The following CDK8 variants were observed in gnomAD, a reference collection of about 807,000 sequenced individuals.
CDK8 encodes the protein cyclin-dependent kinase 8.
Under a neutral mutation model 71.5 loss-of-function variants are expected in CDK8, and 29 were observed. The observed-to-expected ratio is 0.41, with a 90% CI of 0.30 to 0.55. The LOEUF is 0.55. Among genes scored for constraint, CDK8 ranks in the 20% least tolerant of loss-of-function variants. CDK8 has a pLI of 0.37. For missense variants in CDK8, 288 were observed against 572.6 expected, an observed-to-expected ratio of 0.50 and a Z score of 5.07; for synonymous variants, 161 against 192.1, an observed-to-expected ratio of 0.84 and a Z score of 1.34.
intron 1 of CDK8, among the ~76,000 whole-genome samples, chr13:26,267,092 G>C (rs530631917): frequency 6.6e-6 from 1 of 151,966 alleles, no homozygotes; most frequent in Non-Finnish European, 1.5e-5. Flanking sequence ...GTTGGTAAAC[G>C]TAGCTCTAAA....
At chr13:26,321,386 G>A (rs1340770320) in intron 1 of CDK8, among the ~76,000 whole-genome samples, 4 of 152,158 alleles carry the variant, frequency 2.6e-5, no homozygotes, top group Non-Finnish European at 5.9e-5. Context: ...CTAGGGGCAT[G>A]GGGAAGGGGG....
At position 26,294,748 on chromosome 13, in the gene CDK8, T is replaced by TTTTTG. The variant is rs371760140; in HGVS notation, c.128+39994_128+39998dup. On this transcript the variant is annotated intron_variant, in intron 1 of 12. Coordinates refer to ENST00000381527, the MANE Select transcript of CDK8 (RefSeq NM_001260.3). ...AGGTTCTTTGTTCATGATAGTTTCT[T>TTTTTG]TTTTGTTTTGTTTTGTTTTTTGAGA... 7.9e-3 allele frequency among the ~76,000 whole-genome samples: 1,198 copies of TTTTTG among 152,150 alleles called. 26 individuals carry two copies. The highest frequency in any genetic ancestry group is 0.026 in the African/African-American group (1,078 of 41,496).
chr13:26,344,579 A>G (rs1434190325), intron 2 of CDK8, among the ~76,000 whole-genome samples: 1 of 152,194 alleles, frequency 6.6e-6, no homozygotes, highest in Non-Finnish European at 1.5e-5. Context: ...AGCCTGGCCA[A>G]CATGGCGAAA....
chr13:26,363,596 T>C (rs1186916653), intron 4 of CDK8, among the ~76,000 whole-genome samples: 1 of 152,070 alleles, frequency 6.6e-6, no homozygotes, highest in Non-Finnish European at 1.5e-5. Flanking sequence ...TCTTGGGCTC[T>C]TGGGCTCAAG....
intron 1 of CDK8, among the ~76,000 whole-genome samples, chr13:26,293,354 G>A (rs796726135): frequency 2.0e-5 from 3 of 152,052 alleles, no homozygotes; most frequent in African/African-American, 7.2e-5. Context: ...TGTAATCGGA[G>A]CACTTTGGGC....
intron 1 of CDK8, among the ~76,000 whole-genome samples, chr13:26,257,056 A>G (rs922864773): frequency 6.6e-6 from 1 of 152,176 alleles, no homozygotes; most frequent in Non-Finnish European, 1.5e-5. Context: ...CTGGTAAAAT[A>G]AAATTTGTGG....
At chr13:26,398,137 C>T (rs1378667309) in intron 9 of CDK8, among the ~76,000 whole-genome samples, 1 of 152,156 alleles carries the variant, frequency 6.6e-6, no homozygotes, top group Non-Finnish European at 1.5e-5. Context: ...TATCAGTTCA[C>T]ATTTTATATC....
At chr13:26,314,083 CAG>C (rs1161675003) in intron 1 of CDK8, among the ~76,000 whole-genome samples, 1 of 152,262 alleles carries the variant, frequency 6.6e-6, no homozygotes, top group African/African-American at 2.4e-5. Flanking sequence ...TTTGCTAATC[CAG>C]AGTTTTAAGG....
intron 1 of CDK8, among the ~76,000 whole-genome samples, chr13:26,281,662 AAT>A (rs1872753743): frequency 1.9e-5 from 2 of 104,304 alleles, no homozygotes; most frequent in African/African-American, 1.5e-4. Context: ...TTGCGAAATA[AAT>A]AACTCAGAAG....
intron 1 of CDK8, among the ~76,000 whole-genome samples, chr13:26,280,463 C>T (rs1872699374): frequency 6.6e-6 from 1 of 152,210 alleles, no homozygotes; most frequent in Non-Finnish European, 1.5e-5. Context: ...CTCATAGTGA[C>T]TCAACATTGG....
At chr13:26,256,053 T>G (rs1871509191) in intron 1 of CDK8, among the ~76,000 whole-genome samples, 1 of 152,070 alleles carries the variant, frequency 6.6e-6, no homozygotes, top group South Asian at 2.1e-4. Context: ...AAGATAGGAG[T>G]TCTAATTAAT....
intron 1 of CDK8, among the ~76,000 whole-genome samples, chr13:26,299,023 C>A (rs890773650): frequency 3.3e-5 from 5 of 152,110 alleles, no homozygotes; most frequent in African/African-American, 4.8e-5. Flanking sequence ...TCTCTTTGAA[C>A]CTCTTAAAAG....
chr13:26,291,533 T>C (rs1172822586), intron 1 of CDK8, among the ~76,000 whole-genome samples: 1 of 152,142 alleles, frequency 6.6e-6, no homozygotes, highest in Non-Finnish European at 1.5e-5. Context: ...AAAAGTAGAA[T>C]TGCACTGTAA....
In CDK8 at chr13:26,404,080, G is replaced by T; in HGVS notation, c.1394G>T (p.Ter465LeuextTer29). 1 of 1,613,776 alleles carries T rather than the reference G, an allele frequency of 6.2e-7. No homozygotes were observed. Among genetic ancestry groups the T allele is most frequent in the South Asian group, 1.1e-5 (1 of 91,056 alleles). ...TACTCACATCAGACACATCGGTACT[G>T]AGCTGCATCGGAATCTTGTCCATGC... ...PQYSHQTHRY[*>L] is the part of the protein sequence containing the mutation. The change falls in exon 13 of 13, where the codon TGA becomes TTA. Residue 465 changes from the stop codon to leucine, a stop_lost. Coordinates refer to ENST00000381527, the MANE Select transcript of CDK8 (RefSeq NM_001260.3).
At chr13:26,361,871 C>T (rs12865885) in intron 4 of CDK8, among the ~76,000 whole-genome samples, 1 of 139,642 alleles carries the variant, frequency 7.2e-6, no homozygotes, top group Non-Finnish European at 1.5e-5. Flanking sequence ...CTCAAGAGAT[C>T]GTCCTGCCTC....
At chr13:26,255,692 C>G (rs1277279914) in intron 1 of CDK8, among the ~76,000 whole-genome samples, 1 of 152,102 alleles carries the variant, frequency 6.6e-6, no homozygotes, top group Non-Finnish European at 1.5e-5. Context: ...TGGATGTTGT[C>G]TCTGTTGCCT....
rs369573531 is a variant in CDK8, at chr13:26,405,049, G to T, written c.*968G>T. On this transcript the variant is annotated 3_prime_UTR_variant, in exon 13 of 13. Coordinates refer to ENST00000381527, the MANE Select transcript of CDK8 (RefSeq NM_001260.3). ...AAAACTTGTTCGCACGTTGTTTAGG[G>T]TGCCCTTACTTCAGCAAAGGAGAAG... 5.4e-6 allele frequency: 1 copy of T among 184,546 alleles called. No homozygotes were observed. The highest frequency in any genetic ancestry group is 1.1e-5 in the Non-Finnish European group (1 of 87,126). The allele number at this position is 184,546 out of a possible 1,614,324, so 11.4% of individuals were successfully genotyped here.
chr13:26,359,820 A>T (rs1472441184), intron 4 of CDK8: 1 of 297,474 alleles, frequency 3.4e-6, no homozygotes, highest in African/African-American at 2.3e-5. Flanking sequence ...GGTTCAAGTG[A>T]TTCTCCTGCC....
intron 6 of CDK8, 90 bp downstream of exon 6, chr13:26,385,432 C>A (rs2138050716): frequency 9.1e-7 from 1 of 1,097,294 alleles, no homozygotes; most frequent in Non-Finnish European, 1.3e-6. Context: ...AGTAGTATAG[C>A]AAATTATAAA....
Sources: gnomAD v4.1 joint callset for allele counts (sites outside exome capture counted in the v4.1 genomes callset) on GRCh38, gnomAD v4.1.1 for gene constraint, MANE v1.5 for transcripts, NCBI Gene and HGNC (gene_info 2026-07-23, HGNC 2026-07-21) for gene names.